Variants in PAPPA2 observed in about 807,000 individuals in gnomAD.
PAPPA2 encodes pappalysin 2, also known as pappalysin-2.
PAPPA2 carries 86 observed loss-of-function variants against 176.4 expected under a neutral mutation model. The observed-to-expected ratio is 0.49, with a 90% confidence interval of 0.41 to 0.58. PAPPA2 has a LOEUF of 0.58. Ranked by LOEUF, PAPPA2 falls within the 20% of genes least tolerant of loss-of-function variation. PAPPA2 has a pLI of 0.00. For synonymous variants in PAPPA2, 809 were observed against 852.2 expected (o/e 0.95, Z 0.88); for missense variants, 2,073 against 2,256.9 (o/e 0.92, Z 1.65).
At position 176,691,929 on chromosome 1, in the gene PAPPA2, GTC is replaced by G. The variant is rs1300484781; in HGVS notation, c.2432-193_2432-192del. 2.6e-5 allele frequency among the ~76,000 whole-genome samples: 4 copies of G among 152,276 alleles called. 1 individual carries two copies. The highest frequency in any genetic ancestry group is 9.6e-5 in the African/African-American group (4 of 41,538). The stretch of plus-strand genomic sequence containing the variant: ...TAGATATGAAAGTGCTGCATCTCTG[GTC>G]TCTGTCTTCTCTTACCCTTTCCAGC... On this transcript the variant is annotated intron_variant, in intron 5 of 22. Transcript: ENST00000367662.
intron 1 of PAPPA2, among the ~76,000 whole-genome samples, chr1:176,545,505 T>G (rs1388006117): frequency 6.6e-6 from 1 of 152,128 alleles, no homozygotes; most frequent in East Asian, 1.9e-4. Context: ...CTTGCCATTA[T>G]ACCATAATCA....
chr1:176,519,449 A>T (rs1195469682), intron 1 of PAPPA2, among the ~76,000 whole-genome samples: 2 of 152,174 alleles, frequency 1.3e-5, no homozygotes, highest in African/African-American at 2.4e-5. Context: ...CCTAACAGCA[A>T]TACCAAAGGT....
chr1:176,692,456 C>A, intron 6 of PAPPA2, 138 bp downstream of exon 6: 1 of 855,890 alleles, frequency 1.2e-6, no homozygotes, highest in Non-Finnish European at 1.8e-6. Context: ...GCTGCTGCTC[C>A]AGCCTGCTCT....
intron 3 of PAPPA2, among the ~76,000 whole-genome samples, chr1:176,612,678 C>T (rs546670240): frequency 1.3e-5 from 2 of 152,232 alleles, no homozygotes; most frequent in South Asian, 4.2e-4. Context: ...ATAGAGGAAG[C>T]TATGTAGTGT....
At chr1:176,554,427 C>T (rs1038655953) in intron 1 of PAPPA2, among the ~76,000 whole-genome samples, 2 of 152,162 alleles carry the variant, frequency 1.3e-5, no homozygotes, top group Non-Finnish European at 2.9e-5. Context: ...AGAACCATGC[C>T]GTGTGTTTGT....
chr1:176,651,492 C>T (rs1366723196), intron 3 of PAPPA2, among the ~76,000 whole-genome samples: 4 of 151,586 alleles, frequency 2.6e-5, no homozygotes, highest in Non-Finnish European at 5.9e-5. Context: ...AAGTCTGTTG[C>T]CAGACAAATT....
At chr1:176,606,391 A>T (rs1654612916) in intron 3 of PAPPA2, among the ~76,000 whole-genome samples, 1 of 152,222 alleles carries the variant, frequency 6.6e-6, no homozygotes, top group South Asian at 2.1e-4. Context: ...ATTTCAGAGA[A>T]TACATTCTTG....
At chr1:176,522,937 A>G (rs1649289457) in intron 1 of PAPPA2, among the ~76,000 whole-genome samples, 2 of 152,142 alleles carry the variant, frequency 1.3e-5, no homozygotes, top group South Asian at 4.1e-4. Context: ...ATTTCTCAGG[A>G]TCAAACACAG....
chr1:176,579,461 G>A (rs990339089), intron 2 of PAPPA2, among the ~76,000 whole-genome samples: 4 of 152,118 alleles, frequency 2.6e-5, no homozygotes, highest in Non-Finnish European at 5.9e-5. Flanking sequence ...TGTCAATTTA[G>A]TAATGGCCAA....
chr1:176,815,696 G>A (rs576765819), intron 21 of PAPPA2, among the ~76,000 whole-genome samples: 11 of 151,970 alleles, frequency 7.2e-5, no homozygotes, highest in Admixed American at 6.6e-5. Flanking sequence ...TACGTGTTAG[G>A]GAGACATGAG....
chr1:176,794,541 GTA>G (rs1665338737), intron 20 of PAPPA2, among the ~76,000 whole-genome samples: 1 of 152,140 alleles, frequency 6.6e-6, no homozygotes, highest in Admixed American at 6.5e-5. Flanking sequence ...TTGTGTGTGT[GTA>G]TATGTGTGCA....
chr1:176,722,026 T>C (rs1025900834), intron 12 of PAPPA2, among the ~76,000 whole-genome samples: 1 of 152,214 alleles, frequency 6.6e-6, no homozygotes, highest in Non-Finnish European at 1.5e-5. Context: ...GCAGTTAAAC[T>C]ATTTATTAAG....
intron 14 of PAPPA2, among the ~76,000 whole-genome samples, chr1:176,747,935 CAT>C (rs1318086619): frequency 3.9e-5 from 6 of 152,208 alleles, no homozygotes; most frequent in African/African-American, 1.4e-4. Flanking sequence ...TTCCTTGCCA[CAT>C]AGTCTGCTCC....
intron 2 of PAPPA2, among the ~76,000 whole-genome samples, chr1:176,586,918 A>G (rs1427954675): frequency 6.6e-6 from 1 of 152,134 alleles, no homozygotes; most frequent in Non-Finnish European, 1.5e-5. Flanking sequence ...AACAGTGTAA[A>G]AGCTTTCCTA....
chr1:176,561,022 G>A (rs1400346938), intron 2 of PAPPA2, among the ~76,000 whole-genome samples: 1 of 152,182 alleles, frequency 6.6e-6, no homozygotes, highest in African/African-American at 2.4e-5. Flanking sequence ...TCCCTGACAT[G>A]AAGACAAGTT....
In PAPPA2 at chr1:176,777,127, G is replaced by A. The variant is rs183669749; in HGVS notation, c.4715+5947G>A. Among the ~76,000 whole-genome samples the A allele has an allele frequency of 3.5e-4, 54 of 152,172 alleles. No homozygotes were observed. In the East Asian group the frequency reaches 8.3e-3, roughly 23 times the overall value. ...AATTGAGTGATTTCTAGCTCCAAACGTTTCTATTTTATTTTCTATCTCAAC... is the reference window on the plus strand; with the variant it reads ...AATTGAGTGATTTCTAGCTCCAAACATTTCTATTTTATTTTCTATCTCAAC... On this transcript the variant is annotated intron_variant, in intron 17 of 22. Transcript: ENST00000367662.
intron 3 of PAPPA2, among the ~76,000 whole-genome samples, chr1:176,597,206 G>A (rs918157933): frequency 6.6e-6 from 1 of 152,202 alleles, no homozygotes; most frequent in African/African-American, 2.4e-5. Flanking sequence ...TGCAAGTTAC[G>A]CAAGTCACGT....
At chr1:176,532,459 A>G (rs1305282180) in intron 1 of PAPPA2, among the ~76,000 whole-genome samples, 1 of 152,226 alleles carries the variant, frequency 6.6e-6, no homozygotes. Flanking sequence ...ACCAAAGCAG[A>G]TGGACAAGAG....
chr1:176,526,103 GC>G (rs1649488322), intron 1 of PAPPA2, among the ~76,000 whole-genome samples: 1 of 152,192 alleles, frequency 6.6e-6, no homozygotes, highest in South Asian at 2.1e-4. Context: ...TAACTCTGAA[GC>G]TGTTTATGGA....
Sources: gnomAD v4.1 joint callset for allele counts (sites outside exome capture counted in the v4.1 genomes callset) on GRCh38, gnomAD v4.1.1 for gene constraint, MANE v1.5 for transcripts, NCBI Gene and HGNC (gene_info 2026-07-23, HGNC 2026-07-21) for gene names.